The following CAPN8 variants were observed in gnomAD, a reference collection of about 807,000 sequenced individuals.
CAPN8 encodes calpain 8.
In CAPN8, 87 loss-of-function variants were observed where a neutral mutation model predicts 80.9. The observed-to-expected ratio is 1.07, with a 90% confidence interval of 0.90 to 1.28. The LOEUF (loss-of-function observed/expected upper bound fraction) is 1.28, where lower values mean the gene tolerates loss of function less well. Ranked by LOEUF, CAPN8 falls within the 50% of genes most tolerant of loss-of-function variation. The pLI is 0.00. For missense variants in CAPN8, 757 were observed against 702.0 expected, an observed-to-expected ratio of 1.08 and a Z score of -0.89; for synonymous variants, 299 against 273.8, an observed-to-expected ratio of 1.09 and a Z score of -0.91.
chr1:223,610,377 T>C (rs1038517339), intron 11 of CAPN8, among the ~76,000 whole-genome samples: 1 of 152,146 alleles, frequency 6.6e-6, no homozygotes, highest in Non-Finnish European at 1.5e-5. Context: ...ACCCGGCCAC[T>C]AGGGTGCCCA....
chr1:223,621,321 C>T lies in CAPN8; in HGVS notation c.900-1055G>A, dbSNP rs868620403. Among the ~76,000 whole-genome samples, 5 of 151,274 alleles carry T rather than the reference C, an allele frequency of 3.3e-5. No homozygotes were observed. In the South Asian group the frequency reaches 6.3e-4, roughly 19 times the overall value. On this transcript the variant is annotated intron_variant, in intron 7 of 20. Transcript: ENST00000366872. ...GGATGTTGCCTTAGAGATTCGGCAC[C>T]CTCCTCCTCCAATAGCTGATATATA...
intron 16 of CAPN8, among the ~76,000 whole-genome samples, chr1:223,548,974 G>C (rs1484923328): frequency 6.6e-6 from 1 of 151,990 alleles, no homozygotes; most frequent in African/African-American, 2.4e-5. Context: ...TTGAAGGGGA[G>C]GAGGAAGATG....
At chr1:223,553,990 T>C in intron 13 of CAPN8, 90 bp from the exon 14 acceptor site, 1 of 397,504 alleles carries the variant, frequency 2.5e-6, no homozygotes, top group Non-Finnish European at 4.4e-6. Flanking sequence ...CATCCATTAG[T>C]ATCTATGATG....
intron 1 of CAPN8, among the ~76,000 whole-genome samples, chr1:223,661,316 A>G (rs1369273583): frequency 6.6e-6 from 1 of 152,170 alleles, no homozygotes; most frequent in African/African-American, 2.4e-5. Context: ...CCTCACACCC[A>G]TTAGAATGGC....
At chr1:223,655,612 G>A (rs1658466204) in intron 1 of CAPN8, among the ~76,000 whole-genome samples, 1 of 152,144 alleles carries the variant, frequency 6.6e-6, no homozygotes, top group African/African-American at 2.4e-5. Context: ...AGAGAAAAAA[G>A]GCTAGTGCAT....
chr1:223,632,878 T>C (rs1299830298), intron 2 of CAPN8, among the ~76,000 whole-genome samples: 2 of 152,200 alleles, frequency 1.3e-5, no homozygotes, highest in African/African-American at 4.8e-5. Context: ...GGTTTCCATG[T>C]CCTGATGAAG....
chr1:223,660,052 G>A (rs1239357047), intron 1 of CAPN8, among the ~76,000 whole-genome samples: 1 of 152,190 alleles, frequency 6.6e-6, no homozygotes, highest in African/African-American at 2.4e-5. Context: ...TCCAGATGTA[G>A]CAGCTGAAGA....
At chr1:223,557,391 G>T (rs990821520) in intron 13 of CAPN8, among the ~76,000 whole-genome samples, 1 of 117,702 alleles carries the variant, frequency 8.5e-6, no homozygotes, top group African/African-American at 3.2e-5. Context: ...AGTGTTGGAC[G>T]GAGGGGTAGA....
intron 9 of CAPN8, chr1:223,617,387 G>A (rs189495480): frequency 1.0e-4 from 15 of 150,744 alleles, no homozygotes; most frequent in Non-Finnish European, 1.9e-4. Flanking sequence ...CCGGATATCT[G>A]TGGATCCCAT....
At chr1:223,544,017 C>T (rs61823524) in intron 19 of CAPN8, 50 bp downstream of exon 19, 11 of 713,702 alleles carry the variant, frequency 1.5e-5, no homozygotes, top group Non-Finnish European at 2.3e-5. Context: ...CCCTGCCCCA[C>T]CTTGCACCTT....
At chr1:223,635,564 CA>C (rs1657894772) in intron 2 of CAPN8, among the ~76,000 whole-genome samples, 1 of 152,130 alleles carries the variant, frequency 6.6e-6, no homozygotes, top group African/African-American at 2.4e-5. Flanking sequence ...TGACTGAATT[CA>C]CCTCAGTGTA....
At chr1:223,634,090 T>C (rs1252665887) in intron 2 of CAPN8, among the ~76,000 whole-genome samples, 1 of 152,190 alleles carries the variant, frequency 6.6e-6, no homozygotes, top group Non-Finnish European at 1.5e-5. Context: ...GATGGCATCA[T>C]GGAGCACTTA....
At chr1:223,640,375 C>T (rs1454699672) in intron 2 of CAPN8, among the ~76,000 whole-genome samples, 1 of 152,124 alleles carries the variant, frequency 6.6e-6, no homozygotes, top group African/African-American at 2.4e-5. Flanking sequence ...GTTTATTGAG[C>T]GTCTACTGCC....
At chr1:223,612,875 G>A (rs1657067045) in intron 10 of CAPN8, among the ~76,000 whole-genome samples, 1 of 152,174 alleles carries the variant, frequency 6.6e-6, no homozygotes, top group Admixed American at 6.5e-5. Context: ...AAAGAATCCT[G>A]GTAGTATCCA....
Position 223,616,004 on chromosome 1 carries a change from T to C in CAPN8, c.1277A>G (p.Gln426Arg). ...GGCATAGCCGATGCTAAGCATGCCT[T>C]GTCCTATCCGCTTCCGCCACCTGCG... The part of the protein sequence containing the change: ...KNRRWRKRIG[Q>R]GMLSIGYAVY... The change falls in exon 10 of 21, where the codon CAA becomes CGA. Residue 426 changes from glutamine (Q) to arginine (R), a missense_variant. Physicochemically the swap from Gln to Arg is conservative, Grantham distance 43. Coordinates refer to ENST00000366872, the MANE Select transcript of CAPN8 (RefSeq NM_001143962.2). The C allele has an allele frequency of 6.4e-7, 1 of 1,552,284 alleles. No individual in the cohort carries two copies. Among genetic ancestry groups the C allele is most frequent in the African/African-American group, 1.4e-5 (1 of 73,176 alleles).
intron 20 of CAPN8, 116 bp downstream of exon 20, chr1:223,542,992 T>G: frequency 8.9e-7 from 1 of 1,121,552 alleles, no homozygotes; most frequent in Non-Finnish European, 1.3e-6. Context: ...AGAACATGCA[T>G]GGTATTCACA....
chr1:223,662,383 AG>A (rs1404519203), intron 1 of CAPN8, among the ~76,000 whole-genome samples: 1 of 152,118 alleles, frequency 6.6e-6, no homozygotes, highest in Non-Finnish European at 1.5e-5. Flanking sequence ...GGGGAGGCAG[AG>A]GTTGCAGGGA....
intron 9 of CAPN8, 51 bp downstream of exon 9, chr1:223,619,242 T>C: frequency 6.5e-7 from 1 of 1,544,678 alleles, no homozygotes; most frequent in Non-Finnish European, 8.7e-7. Flanking sequence ...ATGACCCAGC[T>C]CAGGGAGGAT....
intron 15 of CAPN8, chr1:223,549,640 G>T: frequency 1.6e-6 from 1 of 611,894 alleles, no homozygotes; most frequent in Non-Finnish European, 3.0e-6. Flanking sequence ...ACAAGCCACA[G>T]ACTTCAGCAA....
Sources: allele counts gnomAD v4.1 joint callset (sites outside exome capture counted in the v4.1 genomes callset), GRCh38; gene constraint gnomAD v4.1.1; transcripts MANE v1.5; gene names NCBI Gene and HGNC (gene_info 2026-07-23, HGNC 2026-07-21).